The following IQSEC1 variants were observed in gnomAD, a reference collection of about 807,000 sequenced individuals.
IQSEC1 encodes IQ motif and SEC7 domain-containing protein 1.
IQSEC1 carries 31 observed loss-of-function variants against 91.0 expected under a neutral mutation model. The ratio of observed to expected loss-of-function variants is 0.34; its 90% CI spans 0.26 to 0.46. The LOEUF is 0.46. Ranked by LOEUF, IQSEC1 falls within the 20% of genes least tolerant of loss-of-function variation. The pLI, the probability that IQSEC1 is intolerant of heterozygous loss-of-function variation, is 1.00. For synonymous variants in IQSEC1, 699 were observed against 662.6 expected, an observed-to-expected ratio of 1.05 and a Z score of -0.84; for missense variants, 1,388 against 1,575.6, an observed-to-expected ratio of 0.88 and a Z score of 2.02.
In IQSEC1 at chr3:13,050,121, C is replaced by G. The variant is rs1410542531; in HGVS notation, c.23+22871G>C. ...CTCAGCAGTTCCTCCCACCAGCTGC[C>G]TCGGTGCCCCACCCCTCCAAGACAG... On this transcript the variant is annotated intron_variant, in intron 1 of 13. Coordinates refer to ENST00000613206, the MANE Select transcript of IQSEC1 (RefSeq NM_001134382.3). Among the ~76,000 whole-genome samples, 3 of 150,582 alleles carry G rather than the reference C, an allele frequency of 2.0e-5. No homozygotes were observed. The East Asian group carries it at 5.9e-4, about 30-fold the overall frequency.
At chr3:13,105,854 G>C (rs1368062566) in intron 2 of IQSEC1, among the ~76,000 whole-genome samples, 1 of 152,194 alleles carries the variant, frequency 6.6e-6, no homozygotes, top group Non-Finnish European at 1.5e-5. Flanking sequence ...ACCCCTAAGG[G>C]ATGGCTGGCC....
intron 1 of IQSEC1, among the ~76,000 whole-genome samples, chr3:12,944,115 C>CA (rs1699002633): frequency 6.6e-6 from 1 of 152,190 alleles, no homozygotes; most frequent in East Asian, 1.9e-4. Context: ...CTATCAGTAA[C>CA]ACGGTGGGCT....
At chr3:12,952,728 T>C (rs564087984) in intron 1 of IQSEC1, among the ~76,000 whole-genome samples, 1 of 152,310 alleles carries the variant, frequency 6.6e-6, no homozygotes, top group East Asian at 1.9e-4. Flanking sequence ...CCAAGACCTG[T>C]GCAGGTGCTG....
chr3:13,245,716 G>C (rs1246770796), intron 1 of IQSEC1, among the ~76,000 whole-genome samples: 5 of 150,914 alleles, frequency 3.3e-5, no homozygotes, highest in Non-Finnish European at 7.4e-5. Flanking sequence ...GCAGTGAGCA[G>C]AGGTCGCGCC....
At chr3:13,082,713 C>A (rs1366382110) in intron 2 of IQSEC1, among the ~76,000 whole-genome samples, 2 of 152,214 alleles carry the variant, frequency 1.3e-5, no homozygotes, top group Non-Finnish European at 2.9e-5. Flanking sequence ...GAAACCTGAC[C>A]ATGTCGTAGC....
Position 12,924,706 on chromosome 3 carries a change from A to T in IQSEC1, c.1605T>A (p.Arg535=), listed in dbSNP as rs2125211557. The change falls in exon 4 of 14, where the codon CGT becomes CGA. Residue 535 remains arginine (R), a synonymous_variant. Coordinates refer to ENST00000613206, the MANE Select transcript of IQSEC1 (RefSeq NM_001134382.3). This position sits in a 1 kb window ranked among gnomAD's most constrained non-coding sequence, Gnocchi z 6.3. ...CGACGGGCGTGTCGGGCACAAAGCC[A>T]CGCTCGATGAGGTACTGGACTCCCT... is the stretch of plus-strand genomic sequence containing the variant. ...PEKGVQYLIE[R]GFVPDTPVGV... The T allele has an allele frequency of 6.2e-7, 1 of 1,606,268 alleles. No homozygotes were observed. Among genetic ancestry groups the T allele is most frequent in the East Asian group, 2.2e-5 (1 of 44,454 alleles).
rs1231705525 is a variant in IQSEC1, at chr3:12,967,302, C to T, written c.24-25437G>A. ...GGCGCCCGGTCCCGACGGTCACCCG[C>T]ACTCCCGCACAGGCATCCCCACAGC... On this transcript the variant is annotated intron_variant, in intron 1 of 13. Transcript: ENST00000613206. This position sits in a 1 kb window ranked among gnomAD's most constrained non-coding sequence, Gnocchi z 5.9. The T allele has an allele frequency of 7.4e-6, 9 of 1,216,486 alleles. No homozygotes were observed. Among genetic ancestry groups the T allele is most frequent in the Non-Finnish European group, 1.0e-5 (9 of 885,520 alleles). 75.4% of individuals were successfully genotyped at this position (1,216,486 alleles called of 1,614,324 possible). A position where few individuals can be genotyped will look rare whatever the true frequency, so the allele number is the denominator to read the frequency against.
intron 2 of IQSEC1, among the ~76,000 whole-genome samples, chr3:13,093,628 G>A (rs995559054): frequency 2.6e-5 from 4 of 152,274 alleles, no homozygotes; most frequent in Middle Eastern, 6.8e-3. Flanking sequence ...CCTTCATCCA[G>A]CACATGGGGT....
At chr3:12,937,493 G>A (rs985956252) in intron 2 of IQSEC1, among the ~76,000 whole-genome samples, 4 of 152,256 alleles carry the variant, frequency 2.6e-5, no homozygotes, top group African/African-American at 9.6e-5. Context: ...AGGGAGACCT[G>A]TGGGGTTTGC....
intron 1 of IQSEC1, among the ~76,000 whole-genome samples, chr3:13,200,290 C>G (rs1368675119): frequency 6.6e-6 from 1 of 152,044 alleles, no homozygotes; most frequent in Non-Finnish European, 1.5e-5. Flanking sequence ...CATACTCCCC[C>G]CCCTTATCAT....
intron 2 of IQSEC1, among the ~76,000 whole-genome samples, chr3:13,104,447 T>G (rs1217057845): frequency 6.6e-6 from 1 of 152,110 alleles, no homozygotes; most frequent in Non-Finnish European, 1.5e-5. Flanking sequence ...CTCTCTGTAG[T>G]CTATACAAAA....
Position 12,971,886 on chromosome 3 carries a change from G to A in IQSEC1, c.24-30021C>T, listed in dbSNP as rs186394644. ...AAAATACAAAAATTAGCTGGGCGTG[G>A]TGGTGGGTGCCTGTAATCCCAGCTA... On this transcript the variant is annotated intron_variant, in intron 1 of 13. Transcript: ENST00000613206. Among the ~76,000 whole-genome samples, 1,366 of 152,260 alleles carry A rather than the reference G, an allele frequency of 9.0e-3. 16 individuals carry two copies. Among genetic ancestry groups the A allele is most frequent in the South Asian group, 0.023 (113 of 4,822 alleles).
intron 1 of IQSEC1, among the ~76,000 whole-genome samples, chr3:13,004,502 TC>T (rs1702551875): frequency 6.6e-6 from 1 of 152,108 alleles, no homozygotes. Context: ...GGGATTTGTG[TC>T]TGAATCACCT....
chr3:13,212,975 G>A (rs1440470711), intron 1 of IQSEC1, among the ~76,000 whole-genome samples: 1 of 152,084 alleles, frequency 6.6e-6, no homozygotes, highest in African/African-American at 2.4e-5. Flanking sequence ...TATATGATTT[G>A]CAAATATTTT....
rs1311445062 is a variant in IQSEC1 at position 13,207,946 on chromosome 3, C to T, written c.273-43813G>A. Among the ~76,000 whole-genome samples, 2 of 152,190 alleles carry T rather than the reference C, an allele frequency of 1.3e-5. No homozygotes were observed. Among genetic ancestry groups the T allele is most frequent in the Non-Finnish European group, 2.9e-5 (2 of 68,044 alleles). ...AGCTTTGTCACTACAGAACCCCCAG[C>T]ATGGCACATAGCAGTTGCTCAACAA... On this transcript the variant is annotated intron_variant, in intron 1 of 15. Coordinates refer to the IQSEC1 transcript ENST00000648114. The surrounding 1 kb of genome is among the most constrained non-coding windows in gnomAD (Gnocchi z 4.8).
At chr3:13,063,703 C>T (rs374159544) in intron 1 of IQSEC1, among the ~76,000 whole-genome samples, 1 of 152,358 alleles carries the variant, frequency 6.6e-6, no homozygotes, top group East Asian at 1.9e-4. Context: ...GCCAGCCAGG[C>T]CCCAGCTGGC....
intron 1 of IQSEC1, among the ~76,000 whole-genome samples, chr3:13,066,309 G>C (rs1414064937): frequency 6.6e-6 from 1 of 152,266 alleles, no homozygotes; most frequent in East Asian, 1.9e-4. Flanking sequence ...ATGGTGATTT[G>C]TACCTTGTCA....
intron 13 of IQSEC1, 100 bp downstream of exon 13, chr3:12,902,670 CAAA>C (rs1213830618): frequency 6.2e-3 from 1,193 of 191,840 alleles, no homozygotes; most frequent in East Asian, 0.012. Context: ...AAAAAAAAAC[CAAA>C]AAAAAAAAAA....
intron 1 of IQSEC1, among the ~76,000 whole-genome samples, chr3:13,281,069 C>T (rs2125160788): frequency 6.6e-6 from 1 of 152,372 alleles, no homozygotes; most frequent in South Asian, 2.1e-4. Context: ...AAAAGGAAGC[C>T]ATTCCCCAGG....
Sources: allele counts gnomAD v4.1 joint callset (sites outside exome capture counted in the v4.1 genomes callset), GRCh38; gene constraint gnomAD v4.1.1; non-coding constraint Gnocchi (gnomAD v3.1); transcripts MANE v1.5; gene names NCBI Gene and HGNC (gene_info 2026-07-23, HGNC 2026-07-21).